RALA: variants seen among roughly 807,000 people sequenced by gnomAD.
The protein encoded by RALA is RAS like proto-oncogene A, also known as ras-related protein Ral-A.
Under a neutral mutation model 24.0 loss-of-function variants are expected in RALA, and 5 were observed. The observed-to-expected ratio is 0.21, with a 90% confidence interval of 0.11 to 0.44. The LOEUF is 0.44. Ranked by LOEUF, RALA falls within the 20% of genes least tolerant of loss-of-function variation. The pLI is 0.99. For missense variants in RALA, 95 were observed against 241.2 expected (o/e 0.39, Z 4.01); for synonymous variants, 77 against 83.8 (o/e 0.92, Z 0.44).
At chr7:39,684,300 A>C (rs1185160975) in intron 1 of RALA, among the ~76,000 whole-genome samples, 1 of 152,244 alleles carries the variant, frequency 6.6e-6, no homozygotes, top group Non-Finnish European at 1.5e-5. Context: ...TGATAAGAAC[A>C]GGATGAAAAA....
At chr7:39,657,513 A>G (rs1792118216) in intron 1 of RALA, among the ~76,000 whole-genome samples, 2 of 152,212 alleles carry the variant, frequency 1.3e-5, no homozygotes, top group Admixed American at 6.5e-5. Flanking sequence ...AGGATATTGT[A>G]TTGGAGACGG....
At chr7:39,699,618 A>G (rs1205461166) in intron 4 of RALA, among the ~76,000 whole-genome samples, 2 of 152,198 alleles carry the variant, frequency 1.3e-5, no homozygotes, top group Non-Finnish European at 2.9e-5. Flanking sequence ...ATAGAACTAA[A>G]TGTGCTGATA....
intron 4 of RALA, among the ~76,000 whole-genome samples, chr7:39,698,318 C>G (rs1219426740): frequency 6.6e-6 from 1 of 152,158 alleles, no homozygotes; most frequent in African/African-American, 2.4e-5. Flanking sequence ...CATGCCCTAT[C>G]ATAGTTTCCT....
At chr7:39,653,056 G>T (rs911195344) in intron 1 of RALA, among the ~76,000 whole-genome samples, 28 of 148,952 alleles carry the variant, frequency 1.9e-4, no homozygotes, top group Middle Eastern at 3.5e-3. Context: ...TTGAGACGGA[G>T]TCTCACTCTG....
chr7:39,693,878 T>C (rs746355225), intron 3 of RALA, among the ~76,000 whole-genome samples: 71 of 152,360 alleles, frequency 4.7e-4, no homozygotes, highest in Non-Finnish European at 9.8e-4. Flanking sequence ...TTACTTTCTC[T>C]GTGGCCCATA....
At chr7:39,675,503 G>C (rs912970216) in intron 1 of RALA, among the ~76,000 whole-genome samples, 3 of 152,128 alleles carry the variant, frequency 2.0e-5, no homozygotes, top group Non-Finnish European at 4.4e-5. Context: ...AGGCCTAGGC[G>C]GGAGGATCGC....
intron 1 of RALA, among the ~76,000 whole-genome samples, chr7:39,659,032 C>T (rs991057489): frequency 2.6e-5 from 4 of 152,064 alleles, no homozygotes; most frequent in African/African-American, 4.8e-5. Context: ...GTAATTCCTG[C>T]GCTTTGGGAG....
chr7:39,690,338 G>T (rs201048163), intron 2 of RALA, 44 bp from the exon 3 acceptor site: 3 of 1,514,540 alleles, frequency 2.0e-6, no homozygotes, highest in Non-Finnish European at 2.7e-6. Context: ...AATAAGTTTT[G>T]AAACGTAATA....
At chr7:39,705,986 T>C (rs1485909413) in intron 4 of RALA, 137 bp from the exon 5 acceptor site, 1 of 731,104 alleles carries the variant, frequency 1.4e-6, no homozygotes, top group African/African-American at 1.8e-5. Context: ...AGTTTTATGC[T>C]TTCCGCTCTG....
At chr7:39,670,516 T>G (rs1211215633) in intron 1 of RALA, among the ~76,000 whole-genome samples, 1 of 152,230 alleles carries the variant, frequency 6.6e-6, no homozygotes, top group Non-Finnish European at 1.5e-5. Context: ...TGTATTTAAT[T>G]TCCAAATATG....
intron 1 of RALA, among the ~76,000 whole-genome samples, chr7:39,651,278 C>T (rs1280288922): frequency 1.3e-5 from 2 of 152,216 alleles, no homozygotes; most frequent in Non-Finnish European, 2.9e-5. Flanking sequence ...ATGTTTTCAA[C>T]CTAACAATGG....
At chr7:39,644,201 G>GTT (rs372152552) in intron 1 of RALA, among the ~76,000 whole-genome samples, 15 of 141,600 alleles carry the variant, frequency 1.1e-4, no homozygotes, top group African/African-American at 3.1e-4. Flanking sequence ...AAATTCCTAT[G>GTT]TTTTTTTTTT....
At chr7:39,643,855 A>G (rs1418460543) in intron 1 of RALA, among the ~76,000 whole-genome samples, 1 of 152,158 alleles carries the variant, frequency 6.6e-6, no homozygotes, top group Non-Finnish European at 1.5e-5. Context: ...TTGAGACTTC[A>G]TCTCAAAAGA....
intron 1 of RALA, among the ~76,000 whole-genome samples, chr7:39,649,130 A>G (rs1446811617): frequency 1.3e-5 from 2 of 152,314 alleles, no homozygotes; most frequent in Middle Eastern, 3.4e-3. Context: ...CCATTTACTG[A>G]TAGAGGGAAA....
At chr7:39,700,592 A>G (rs1489633625) in intron 4 of RALA, 1 of 152,002 alleles carries the variant, frequency 6.6e-6, no homozygotes, top group Non-Finnish European at 1.5e-5. Context: ...CATTATTTCT[A>G]CCTCATTCTA....
At chr7:39,689,734 T>G (rs998446190) in intron 2 of RALA, among the ~76,000 whole-genome samples, 3 of 152,136 alleles carry the variant, frequency 2.0e-5, no homozygotes, top group Non-Finnish European at 2.9e-5. Flanking sequence ...CTGGGCAACA[T>G]AGTAAGGCCT....
chr7:39,646,841 T>G (rs907256697), intron 1 of RALA, among the ~76,000 whole-genome samples: 1 of 152,146 alleles, frequency 6.6e-6, no homozygotes, highest in South Asian at 2.1e-4. Flanking sequence ...GCCTTACCCA[T>G]GTACTGCTGT....
intron 1 of RALA, among the ~76,000 whole-genome samples, chr7:39,646,231 C>T (rs962817700): frequency 4.0e-5 from 6 of 151,818 alleles, no homozygotes; most frequent in Non-Finnish European, 7.4e-5. Context: ...AGGTCAAGGC[C>T]GCAATGAGCC....
chr7:39,641,403 C>T (rs1295610107), intron 1 of RALA, among the ~76,000 whole-genome samples: 1 of 152,138 alleles, frequency 6.6e-6, no homozygotes, highest in African/African-American at 2.4e-5. Flanking sequence ...TCCCACCTCC[C>T]AAGGAAGGGA....
Sources: allele counts gnomAD v4.1 joint callset (sites outside exome capture counted in the v4.1 genomes callset), GRCh38; gene constraint gnomAD v4.1.1; transcripts MANE v1.5; gene names NCBI Gene and HGNC (gene_info 2026-07-23, HGNC 2026-07-21).